PTPRT: variants seen among roughly 807,000 people sequenced by gnomAD.
The protein encoded by PTPRT is protein tyrosine phosphatase receptor type T.
In PTPRT, 56 loss-of-function variants were observed where a neutral mutation model predicts 176.8. The ratio of observed to expected loss-of-function variants is 0.32; its 90% confidence interval spans 0.26 to 0.40. The LOEUF is 0.40. Ranked by LOEUF, PTPRT falls within the 10% of genes least tolerant of loss-of-function variation. The pLI, the probability that PTPRT is intolerant of heterozygous loss-of-function variation, is 1.00. For missense variants in PTPRT, 1,540 were observed against 1,908.2 expected (o/e 0.81, Z 3.60); for synonymous variants, 783 against 739.0 (o/e 1.06, Z -0.96).
chr20:42,392,815 C>T (rs1239728207), intron 9 of PTPRT, among the ~76,000 whole-genome samples: 5 of 152,136 alleles, frequency 3.3e-5, no homozygotes, highest in Non-Finnish European at 7.3e-5. Context: ...TTTCTTTCCT[C>T]ATCGGTTGCT....
Position 42,780,314 on chromosome 20 carries a change from G to T in PTPRT, c.487-15C>A. Reference sequence around the variant, plus strand: ...TCAAATATCACCTGCAACACACAGGGCGGGAGTCAATTTCACAGAAACAGT... The same window carrying T: ...TCAAATATCACCTGCAACACACAGGTCGGGAGTCAATTTCACAGAAACAGT... On this transcript the variant is annotated splice_polypyrimidine_tract_variant and intron_variant, in intron 3 of 30. Transcript: ENST00000373187. 1 of 1,605,908 alleles carries T rather than the reference G, an allele frequency of 6.2e-7. No homozygotes were observed. Among genetic ancestry groups the T allele is most frequent in the South Asian group, 1.1e-5 (1 of 90,932 alleles).
intron 14 of PTPRT, among the ~76,000 whole-genome samples, chr20:42,247,553 C>T (rs1241743155): frequency 6.6e-6 from 1 of 152,142 alleles, no homozygotes; most frequent in African/African-American, 2.4e-5. Context: ...GTTCCCAGCC[C>T]TTGTTCTTGG....
At chr20:42,218,570 G>A (rs2055820508) in intron 15 of PTPRT, among the ~76,000 whole-genome samples, 1 of 152,138 alleles carries the variant, frequency 6.6e-6, no homozygotes, top group African/African-American at 2.4e-5. Context: ...ACTGTTGCAT[G>A]TATGTTTGTG....
rs1281681538 is a variant in PTPRT at position 42,886,237 on chromosome 20, G to T, written c.89-305C>A. On this transcript the variant is annotated intron_variant, in intron 1 of 30. Coordinates refer to ENST00000373187, the MANE Select transcript of PTPRT (RefSeq NM_007050.6). Reference sequence around the variant, plus strand: ...GCGTCTCATTCTAAGTAGGAAAAATGAATGCAGGGGCATGCCTCTGTAATT... The same window carrying T: ...GCGTCTCATTCTAAGTAGGAAAAATTAATGCAGGGGCATGCCTCTGTAATT... 3.3e-5 allele frequency among the ~76,000 whole-genome samples: 5 copies of T among 152,108 alleles called. No homozygotes were observed. The East Asian group carries it at 9.6e-4, about 29-fold the overall frequency.
chr20:42,469,756 A>G (rs1213148851), intron 8 of PTPRT, among the ~76,000 whole-genome samples: 1 of 151,870 alleles, frequency 6.6e-6, no homozygotes, highest in African/African-American at 2.4e-5. Flanking sequence ...GGCTACGAGG[A>G]TGAACTGGAA....
intron 24 of PTPRT, among the ~76,000 whole-genome samples, chr20:42,105,099 G>A (rs1411088292): frequency 6.6e-6 from 1 of 152,122 alleles, no homozygotes; most frequent in East Asian, 1.9e-4. Flanking sequence ...TGGGCTGTGT[G>A]GAAAGGAACC....
intron 7 of PTPRT, among the ~76,000 whole-genome samples, chr20:42,570,281 T>C (rs2073132359): frequency 6.6e-6 from 1 of 152,166 alleles, no homozygotes; most frequent in Non-Finnish European, 1.5e-5. Context: ...GCTGAGTAAC[T>C]ACCCTTCACT....
intron 2 of PTPRT, among the ~76,000 whole-genome samples, chr20:42,817,614 T>C (rs1395812300): frequency 1.3e-5 from 2 of 152,200 alleles, no homozygotes; most frequent in Non-Finnish European, 2.9e-5. Context: ...CTCTAATCCA[T>C]TGTTGCGGAA....
At chr20:42,935,197 T>G (rs969104767) in intron 1 of PTPRT, among the ~76,000 whole-genome samples, 1 of 118,316 alleles carries the variant, frequency 8.5e-6, no homozygotes, top group Admixed American at 1.1e-4. Context: ...TGGAGTGCAG[T>G]GGCATGATCA....
Position 42,885,819 on chromosome 20 carries a change from C to G in PTPRT, c.202G>C (p.Ala68Pro). 6.2e-7 allele frequency: 1 copy of G among 1,607,228 alleles called. No individual in the cohort carries two copies. The highest frequency in any genetic ancestry group is 8.5e-7 in the Non-Finnish European group (1 of 1,175,568). The change falls in exon 2 of 31, where the codon GCA becomes CCA. Residue 68 changes from alanine (A) to proline (P), a missense_variant. By Grantham distance (27) the Ala-to-Pro change is conservative (BLOSUM62 -1). Coordinates refer to ENST00000373187, the MANE Select transcript of PTPRT (RefSeq NM_007050.6). ...ATGGATCACATACCTGTGGGCACTG[C>G]CTGGTCCAGCATTGGTTTCTCCCAT... ...NTWEKPMLDQAVPTGSFMMVN... is the reference protein window; with the variant it reads ...NTWEKPMLDQPVPTGSFMMVN...
intron 11 of PTPRT, among the ~76,000 whole-genome samples, chr20:42,334,455 A>T (rs2145447739): frequency 6.6e-6 from 1 of 152,382 alleles, no homozygotes; most frequent in Admixed American, 6.5e-5. Flanking sequence ...ATACCTAGAA[A>T]AATATTCTGC....
Position 42,079,481 on chromosome 20 carries a change from C to G in PTPRT, c.*1398G>C. 1 of 221,728 alleles carries G rather than the reference C, an allele frequency of 4.5e-6. No homozygotes were observed. Among genetic ancestry groups the G allele is most frequent in the East Asian group, 6.5e-5 (1 of 15,322 alleles). 13.7% of individuals were successfully genotyped at this position (221,728 alleles called of 1,614,324 possible). ...GGAGATGATCAAATGGAGATGATAACAAGTCAGTAGCTCTCTCCTGGGGGT... is the reference window on the plus strand; with the variant it reads ...GGAGATGATCAAATGGAGATGATAAGAAGTCAGTAGCTCTCTCCTGGGGGT... On this transcript the variant is annotated 3_prime_UTR_variant, in exon 31 of 31. Transcript: ENST00000373187.
downstream of PTPRT, among the ~76,000 whole-genome samples, chr20:42,068,089 T>A (rs1272088141): frequency 2.0e-5 from 3 of 152,152 alleles, no homozygotes. Context: ...AGGAAGCATT[T>A]GTTCACAGCC....
intron 7 of PTPRT, among the ~76,000 whole-genome samples, chr20:42,515,408 A>G (rs1300370787): frequency 6.6e-6 from 1 of 152,114 alleles, no homozygotes; most frequent in Admixed American, 6.6e-5. Context: ...GCTTGAACTC[A>G]GGAGGGTGTG....
Position 42,161,479 on chromosome 20 carries a change from G to A in PTPRT, c.2555C>T (p.Thr852Ile), listed in dbSNP as rs1272249885. The part of the protein sequence containing the change: ...TLTIQTHPYR[T>I]CDPVEMSYPR... The stretch of plus-strand genomic sequence containing the variant: ...GTAGCTCATCTCCACAGGGTCACAG[G>A]TGCGGTAGGGATGAGTCTGGATCGT... Residue 852 changes from threonine (T) to isoleucine (I), a missense_variant, in exon 17 of 31, where the codon ACC (threonine) becomes ATC (isoleucine). Coordinates refer to ENST00000373187, the MANE Select transcript of PTPRT (RefSeq NM_007050.6). 2.5e-6 allele frequency: 4 copies of A among 1,613,988 alleles called. No homozygotes were observed. Among genetic ancestry groups the A allele is most frequent in the Non-Finnish European group, 3.4e-6 (4 of 1,180,020 alleles).
intron 7 of PTPRT, among the ~76,000 whole-genome samples, chr20:42,634,544 G>T (rs2074551004): frequency 6.6e-6 from 1 of 152,068 alleles, no homozygotes; most frequent in African/African-American, 2.4e-5. Flanking sequence ...TTGCAGCACA[G>T]ACTACATTAT....
intron 1 of PTPRT, among the ~76,000 whole-genome samples, chr20:43,151,863 C>CAA (rs746294089): frequency 8.0e-6 from 1 of 125,730 alleles, no homozygotes; most frequent in African/African-American, 2.9e-5. Context: ...AACTCCGTCT[C>CAA]AAAAAAAAAA....
At chr20:43,103,724 T>C (rs1293301832) in intron 1 of PTPRT, among the ~76,000 whole-genome samples, 1 of 148,610 alleles carries the variant, frequency 6.7e-6, no homozygotes, top group Non-Finnish European at 1.5e-5. Flanking sequence ...TCTTATTTCA[T>C]TTCATTTCAT....
At chr20:42,340,400 A>T (rs1011508580) in intron 11 of PTPRT, among the ~76,000 whole-genome samples, 3 of 152,210 alleles carry the variant, frequency 2.0e-5, no homozygotes, top group Non-Finnish European at 4.4e-5. Context: ...AGCTGTAGCC[A>T]GGTAAGAAAA....
Sources: allele counts gnomAD v4.1 joint callset (sites outside exome capture counted in the v4.1 genomes callset), GRCh38; gene constraint gnomAD v4.1.1; transcripts MANE v1.5; gene names NCBI Gene and HGNC (gene_info 2026-07-23, HGNC 2026-07-21).